Variants in SAMD11 observed in about 807,000 individuals in gnomAD.
SAMD11 encodes sterile alpha motif domain-containing protein 11.
Under a neutral mutation model 64.4 loss-of-function variants are expected in SAMD11, and 77 were observed. The observed-to-expected ratio is 1.20, with a 90% confidence interval of 0.99 to 1.44. The LOEUF is 1.44. SAMD11 is among the 40% of genes most tolerant of loss of function. SAMD11 has a pLI of 0.00. For synonymous variants in SAMD11, 658 were observed against 421.9 expected (o/e 1.56, Z -6.86); for missense variants, 1,402 against 943.3 (o/e 1.49, Z -6.37).
At position 943,678 on chromosome 1, in the gene SAMD11, T is replaced by C. The variant is rs745878361; in HGVS notation, c.2179-20T>C. 16 of 1,194,596 alleles carry C rather than the reference T, an allele frequency of 1.3e-5. No homozygotes were observed. The highest frequency in any genetic ancestry group is 1.9e-5 in the Non-Finnish European group (16 of 861,922). 74.0% of individuals were successfully genotyped at this position (1,194,596 alleles called of 1,614,324 possible). On this transcript the variant is annotated intron_variant, in intron 12 of 13. Coordinates refer to ENST00000616016, the MANE Select transcript of SAMD11 (RefSeq NM_001385641.1). ...TGGAGCAGCACCCGGGTCCTGACCC[T>C]CCCTCCCTCCCCCTTCCAGGTCTTC...
chr1:939,168 G>A (rs767065186), intron 6 of SAMD11, 39 bp downstream of exon 6: 1 of 1,557,432 alleles, frequency 6.4e-7, no homozygotes, highest in South Asian at 1.2e-5. Flanking sequence ...GTCACCAGGG[G>A]AGGGGGCAGT....
intron 3 of SAMD11, 71 bp from the exon 4 acceptor site, chr1:930,968 C>T (rs761989977): frequency 6.6e-5 from 98 of 1,482,080 alleles, no homozygotes; most frequent in Middle Eastern, 1.8e-4. Context: ...GGTCTGCGCA[C>T]GCCCTGCTAT....
chr1:944,354 G>A lies in SAMD11; in HGVS notation c.*201G>A, dbSNP rs539086356. On this transcript the variant is annotated 3_prime_UTR_variant, in exon 14 of 14. Coordinates refer to ENST00000616016, the MANE Select transcript of SAMD11 (RefSeq NM_001385641.1). Reference sequence around the variant, plus strand: ...GCAGAGCCTGGTGCAGATGGACGAGGTCTGCAGACGGAGGGCAGAGGTGGT... The same window carrying A: ...GCAGAGCCTGGTGCAGATGGACGAGATCTGCAGACGGAGGGCAGAGGTGGT... 1.8e-4 allele frequency: 250 copies of A among 1,367,730 alleles called. 1 individual carries two copies. In the African/African-American group the frequency reaches 3.4e-3, roughly 19 times the overall value. The allele number at this position is 1,367,730 out of a possible 1,614,324, so 84.7% of individuals were successfully genotyped here.
chr1:930,313 G>A lies in SAMD11; in HGVS notation c.768G>A (p.Pro256=), dbSNP rs558591746. The A allele has an allele frequency of 1.7e-5, 28 of 1,606,056 alleles. No homozygotes were observed. In the East Asian group the frequency reaches 2.0e-4, roughly 12 times the overall value. ...RRPGLKQEDG[P]HIRIMKRRVH... is the part of the protein sequence containing the mutation. ...CAGGCTTGAAGCAGGAGGATGGTCC[G>A]CACATCCGTATCATGAAGAGAAGGT... The change falls in exon 3 of 14, where the codon CCG becomes CCA. Residue 256 remains proline, a synonymous_variant. Coordinates refer to ENST00000616016, the MANE Select transcript of SAMD11 (RefSeq NM_001385641.1).
At position 939,092 on chromosome 1, in the gene SAMD11, C is replaced by T. The variant is rs940100686; in HGVS notation, c.1020C>T (p.Cys340=). Residue 340 remains cysteine, a synonymous_variant, in exon 6 of 14, where the codon TGC becomes TGT. Transcript: ENST00000616016. The part of the protein sequence containing the change: ...LGRSPRISSD[C]FSEKRARSES... The stretch of plus-strand genomic sequence containing the variant: ...GCTCCCCCCGTATCAGCAGCGACTG[C>T]TTTTCAGAGAAGAGGGCACGAAGCG... The T allele has an allele frequency of 3.1e-6, 5 of 1,605,436 alleles. No individual in the cohort carries two copies. Among genetic ancestry groups the T allele is most frequent in the Middle Eastern group, 3.3e-4 (2 of 6,080 alleles).
intron 2 of SAMD11, among the ~76,000 whole-genome samples, chr1:929,051 TTAC>T (rs1445093465): frequency 6.6e-6 from 1 of 152,170 alleles, no homozygotes; most frequent in African/African-American, 2.4e-5. Flanking sequence ...CAGCGGCCTG[TTAC>T]TACATTTAAA....
At position 940,842 on chromosome 1, in the gene SAMD11, C is replaced by A. The variant is rs566116120; in HGVS notation, c.1196-302C>A. 4.6e-5 allele frequency among the ~76,000 whole-genome samples: 7 copies of A among 152,302 alleles called. No individual in the cohort carries two copies. The East Asian group carries it at 1.4e-3, about 29-fold the overall frequency. On this transcript the variant is annotated intron_variant, in intron 7 of 13. Transcript: ENST00000616016. Reference sequence around the variant, plus strand: ...CTCGCTGCCCCGCAGGCTCTGTGGCCTCGGGACGTCTGCACAGCCCCCTCC... The same window carrying A: ...CTCGCTGCCCCGCAGGCTCTGTGGCATCGGGACGTCTGCACAGCCCCCTCC...
intron 2 of SAMD11, among the ~76,000 whole-genome samples, chr1:927,562 G>A (rs950729836): frequency 6.6e-6 from 1 of 152,168 alleles, no homozygotes; most frequent in Non-Finnish European, 1.5e-5. Context: ...GCAACTCCAG[G>A]GGCCCCTTCT....
chr1:936,623 C>T (rs547019129), intron 5 of SAMD11, among the ~76,000 whole-genome samples: 1 of 152,120 alleles, frequency 6.6e-6, no homozygotes, highest in African/African-American at 2.4e-5. Context: ...GGGGGCGCCC[C>T]GAGGCCCTGT....
chr1:941,709 G>A (rs1419291758), intron 8 of SAMD11, among the ~76,000 whole-genome samples: 3 of 152,124 alleles, frequency 2.0e-5, no homozygotes, highest in Non-Finnish European at 4.4e-5. Context: ...GGGTTTCTCG[G>A]GTCCAGGACA....
chr1:942,198 C>T lies in SAMD11; in HGVS notation c.1421C>T (p.Pro474Leu). 3.6e-6 allele frequency: 5 copies of T among 1,383,350 alleles called. No individual in the cohort carries two copies. The South Asian group carries it at 6.7e-5, about 19-fold the overall frequency. 85.7% of individuals were successfully genotyped at this position (1,383,350 alleles called of 1,614,324 possible). The change falls in exon 9 of 14, where the codon CCC becomes CTC. Residue 474 changes from proline (P) to leucine (L), a missense_variant. Coordinates refer to ENST00000616016, the MANE Select transcript of SAMD11 (RefSeq NM_001385641.1). ...PQNAPHVALG[P>L]HLRPPFLGVP... Reference sequence around the variant, plus strand: ...AATGCCCCTCACGTCGCCCTGGGCCCCCATCTCAGGCCCCCCTTCCTGGGG... The same window carrying T: ...AATGCCCCTCACGTCGCCCTGGGCCTCCATCTCAGGCCCCCCTTCCTGGGG...
At chr1:931,248 T>C (rs540037925) in intron 4 of SAMD11, among the ~76,000 whole-genome samples, 159 bp downstream of exon 4, 1 of 150,416 alleles carries the variant, frequency 6.6e-6, no homozygotes, top group East Asian at 2.0e-4. Flanking sequence ...GCTGCAAGGT[T>C]GTCCCCCATC....
intron 8 of SAMD11, 68 bp downstream of exon 8, chr1:941,374 C>A: frequency 7.2e-7 from 1 of 1,395,266 alleles, no homozygotes; most frequent in Non-Finnish European, 9.5e-7. Flanking sequence ...CTCTCAGCCA[C>A]CAGCACGCGC....
rs1045122792 is a variant in SAMD11, at chr1:924,076, T to A, written c.-356T>A. ...TCGCTGCCGGGCTCGGCCTGGCGGG[T>A]GGGTCGGCGAGCCGGGCGTGGGACT... On this transcript the variant is annotated 5_prime_UTR_variant, in exon 1 of 14. Transcript: ENST00000616016. 1 of 146,530 alleles carries A rather than the reference T, an allele frequency of 6.8e-6. No homozygotes were observed. Among genetic ancestry groups the A allele is most frequent in the Non-Finnish European group, 1.5e-5 (1 of 66,374 alleles). The allele number at this position is 146,530 out of a possible 1,614,324, so 9.1% of individuals were successfully genotyped here.
chr1:927,049 C>T (rs997162831), intron 2 of SAMD11, among the ~76,000 whole-genome samples: 1 of 152,160 alleles, frequency 6.6e-6, no homozygotes, highest in Admixed American at 6.5e-5. Context: ...ACGGCTGGTC[C>T]CTCAGACATA....
intron 5 of SAMD11, among the ~76,000 whole-genome samples, chr1:937,903 T>G (rs995993885): frequency 6.6e-6 from 1 of 152,082 alleles, no homozygotes; most frequent in Admixed American, 6.6e-5. Context: ...AAATGACAGA[T>G]TAAGGGAATA....
In SAMD11 at chr1:923,933, T is replaced by A. The variant is rs1640772305; in HGVS notation, c.-499T>A. ...TGTGGCGGCGGCGTCGGCGGCGGAGTCTCCCAAGTCCCCGCCGGGCGGGCG... is the reference window on the plus strand; with the variant it reads ...TGTGGCGGCGGCGTCGGCGGCGGAGACTCCCAAGTCCCCGCCGGGCGGGCG... On this transcript the variant is annotated 5_prime_UTR_variant, in exon 1 of 14. Coordinates refer to ENST00000616016, the MANE Select transcript of SAMD11 (RefSeq NM_001385641.1). 2 of 150,038 alleles carry A rather than the reference T, an allele frequency of 1.3e-5. No individual in the cohort carries two copies. 9.3% of individuals were successfully genotyped at this position (150,038 alleles called of 1,614,324 possible). A position where few individuals can be genotyped will look rare whatever the true frequency, so the allele number is the denominator to read the frequency against.
intron 2 of SAMD11, among the ~76,000 whole-genome samples, chr1:926,360 CCT>C (rs942869517): frequency 2.0e-5 from 3 of 152,214 alleles, no homozygotes; most frequent in African/African-American, 7.2e-5. Flanking sequence ...GGCACTGTGC[CCT>C]GTCACCGCTT....
chr1:927,784 G>A (rs1640964993), intron 2 of SAMD11, among the ~76,000 whole-genome samples: 1 of 152,260 alleles, frequency 6.6e-6, no homozygotes. Flanking sequence ...TGCTGTGGCC[G>A]AGGTCTCTAG....
Sources: allele counts gnomAD v4.1 joint callset (sites outside exome capture counted in the v4.1 genomes callset), GRCh38; gene constraint gnomAD v4.1.1; transcripts MANE v1.5; gene names NCBI Gene and HGNC (gene_info 2026-07-23, HGNC 2026-07-21).